CD6: variants seen among roughly 807,000 people sequenced by gnomAD.
The protein encoded by CD6 is CD6 molecule.
In CD6, 53 loss-of-function variants were observed where a neutral mutation model predicts 75.3. The ratio of observed to expected loss-of-function variants is 0.70; its 90% CI spans 0.56 to 0.88. The LOEUF is 0.88. Among genes scored for constraint, CD6 ranks in the 40% least tolerant of loss-of-function variants. The pLI is 0.00. For synonymous variants in CD6, 359 were observed against 381.5 expected, an observed-to-expected ratio of 0.94 and a Z score of 0.69; for missense variants, 770 against 897.1, an observed-to-expected ratio of 0.86 and a Z score of 1.81.
At chr11:60,992,070 A>G (rs1202865766) in intron 1 of CD6, among the ~76,000 whole-genome samples, 1 of 152,074 alleles carries the variant, frequency 6.6e-6, no homozygotes, top group Non-Finnish European at 1.5e-5. Context: ...GGTAGAGACA[A>G]GGTTTTGCCT....
chr11:60,973,913 G>A (rs989575314), intron 1 of CD6, among the ~76,000 whole-genome samples: 7 of 151,996 alleles, frequency 4.6e-5, no homozygotes, highest in Non-Finnish European at 8.8e-5. Flanking sequence ...GCCCCTCTCC[G>A]GGGCTGATGC....
At chr11:61,002,556 CA>C (rs536736904) in intron 1 of CD6, among the ~76,000 whole-genome samples, 53 of 144,922 alleles carry the variant, frequency 3.7e-4, no homozygotes, top group Non-Finnish European at 4.4e-4. Flanking sequence ...GACACTGTTT[CA>C]AAAAAAAAAA....
rs148197209 is a variant in CD6, at chr11:61,008,829, G to A, written c.765G>A (p.Ala255=). 1 of 1,553,022 alleles carries A rather than the reference G, an allele frequency of 6.4e-7. No homozygotes were observed. Among genetic ancestry groups the A allele is most frequent in the African/African-American group, 1.4e-5 (1 of 73,528 alleles). The change falls in exon 4 of 13, where the codon GCG becomes GCA. Residue 255 remains alanine, a synonymous_variant. Transcript: ENST00000313421. The stretch of plus-strand genomic sequence containing the variant: ...ACTACTGCGGCCACAAAGAGGACGC[G>A]GGCGCGGTGTGCTCAGGTCAGTGGG... ...GQHYCGHKED[A]GAVCSEHQSW...
chr11:60,983,963 A>G (rs574770063), intron 1 of CD6, among the ~76,000 whole-genome samples: 69 of 152,114 alleles, frequency 4.5e-4, no homozygotes, highest in African/African-American at 1.4e-3. Context: ...CATTTAAGTC[A>G]TGCCTGTTTG....
chr11:60,985,676 G>A (rs1259908991), intron 1 of CD6, among the ~76,000 whole-genome samples: 2 of 152,148 alleles, frequency 1.3e-5, no homozygotes, highest in East Asian at 3.8e-4. Context: ...AGTGTTAGGT[G>A]GCCAGGCACA....
In CD6 at chr11:61,015,852, G is replaced by A. The variant is rs370125362; in HGVS notation, c.1510+17G>A. ...CCTTCTACAGTGAGTGCCTGGCCGG[G>A]CTCCCGAGGGCCCACCTACCTGAAT... is the stretch of plus-strand genomic sequence containing the variant. On this transcript the variant is annotated intron_variant, in intron 9 of 12. Coordinates refer to ENST00000313421, the MANE Select transcript of CD6 (RefSeq NM_006725.5). 2.5e-6 allele frequency: 4 copies of A among 1,613,252 alleles called. No individual in the cohort carries two copies. Among genetic ancestry groups the A allele is most frequent in the South Asian group, 1.1e-5 (1 of 91,064 alleles).
At chr11:60,989,822 G>A (rs77456731) in intron 1 of CD6, among the ~76,000 whole-genome samples, 4,667 of 152,134 alleles carry the variant, frequency 0.031, 103 homozygotes, top group Middle Eastern at 0.12. Context: ...ACATTTCCCC[G>A]CCTGCACGAT....
intron 1 of CD6, among the ~76,000 whole-genome samples, chr11:61,005,273 G>A (rs937882494): frequency 2.0e-5 from 3 of 152,238 alleles, no homozygotes; most frequent in Non-Finnish European, 2.9e-5. Flanking sequence ...AGTGGTCAGT[G>A]AGTCCGAGTA....
At chr11:60,976,935 T>C (rs886489165) in intron 1 of CD6, among the ~76,000 whole-genome samples, 2 of 152,226 alleles carry the variant, frequency 1.3e-5, no homozygotes, top group Non-Finnish European at 2.9e-5. Flanking sequence ...CTTCATCTCA[T>C]AGATACATAA....
At chr11:61,006,713 G>A in intron 2 of CD6, 71 bp downstream of exon 2, 1 of 1,289,060 alleles carries the variant, frequency 7.8e-7, no homozygotes, top group Non-Finnish European at 1.1e-6. Flanking sequence ...AATAAAGAAG[G>A]GAAATGGACA....
At chr11:60,984,971 G>A (rs1223612973) in intron 1 of CD6, 1 of 152,202 alleles carries the variant, frequency 6.6e-6, no homozygotes, top group East Asian at 1.9e-4. Context: ...AGAGTTTTAG[G>A]TGTAGAAGGA....
intron 1 of CD6, among the ~76,000 whole-genome samples, chr11:60,994,778 G>C (rs951386773): frequency 6.6e-6 from 1 of 152,174 alleles, no homozygotes; most frequent in African/African-American, 2.4e-5. Flanking sequence ...CTTGTTCCAC[G>C]TGCTAGGAAC....
chr11:60,981,194 C>T (rs1590669829), intron 1 of CD6, among the ~76,000 whole-genome samples: 2 of 152,200 alleles, frequency 1.3e-5, no homozygotes. Context: ...GCCTTCTCCT[C>T]GTCACAGCCC....
intron 1 of CD6, among the ~76,000 whole-genome samples, chr11:60,999,325 A>T (rs375885462): frequency 6.6e-6 from 1 of 150,952 alleles, no homozygotes; most frequent in African/African-American, 2.4e-5. Context: ...GATGCTTAGA[A>T]TCTAGTGAGC....
At chr11:61,015,546 G>A in intron 8 of CD6, 167 bp from the exon 9 acceptor site, 2 of 768,280 alleles carry the variant, frequency 2.6e-6, no homozygotes, top group South Asian at 1.7e-5. Flanking sequence ...ACTCCAGCCT[G>A]GACAACAGAG....
intron 1 of CD6, among the ~76,000 whole-genome samples, chr11:61,005,109 G>A (rs1858786011): frequency 6.6e-6 from 1 of 152,228 alleles, no homozygotes; most frequent in Non-Finnish European, 1.5e-5. Flanking sequence ...CTTGCTCACT[G>A]GGTGGCCTCA....
At chr11:60,992,614 G>A (rs779484137) in intron 1 of CD6, among the ~76,000 whole-genome samples, 3 of 151,962 alleles carry the variant, frequency 2.0e-5, no homozygotes, top group Non-Finnish European at 4.4e-5. Context: ...GACTACCTGA[G>A]GTCAGGAGTT....
chr11:61,012,643 A>T (rs1171642894), intron 6 of CD6, among the ~76,000 whole-genome samples: 1 of 151,804 alleles, frequency 6.6e-6, no homozygotes, highest in Admixed American at 6.6e-5. Context: ...TGGTCTGCTC[A>T]CTCCAGGAAC....
chr11:60,992,695 G>A (rs2135082015), intron 1 of CD6, among the ~76,000 whole-genome samples: 1 of 152,164 alleles, frequency 6.6e-6, no homozygotes, highest in East Asian at 1.9e-4. Context: ...GAGCATGGTG[G>A]CGTGCACCTG....
Sources: allele counts gnomAD v4.1 joint callset (sites outside exome capture counted in the v4.1 genomes callset), GRCh38; gene constraint gnomAD v4.1.1; transcripts MANE v1.5; gene names NCBI Gene and HGNC (gene_info 2026-07-23, HGNC 2026-07-21).